Variants in RCAN2 observed in about 807,000 individuals in gnomAD.
RCAN2 encodes regulator of calcineurin 2.
Under a neutral mutation model 23.6 loss-of-function variants are expected in RCAN2, and 9 were observed. That is an observed-to-expected ratio of 0.38 (90% CI 0.23 to 0.67). RCAN2 has a LOEUF of 0.67. Ranked by LOEUF, RCAN2 falls within the 30% of genes least tolerant of loss-of-function variation. The pLI, the probability that RCAN2 is intolerant of heterozygous loss-of-function variation, is 0.51. For synonymous variants in RCAN2, 109 were observed against 115.7 expected (o/e 0.94, Z 0.37); for missense variants, 273 against 302.3 (o/e 0.90, Z 0.72).
chr6:46,267,153 G>A (rs1767361321), intron 2 of RCAN2, among the ~76,000 whole-genome samples: 1 of 152,140 alleles, frequency 6.6e-6, no homozygotes, highest in African/African-American at 2.4e-5. Context: ...GGCAAGTGAT[G>A]GTAACGTCAA....
intron 2 of RCAN2, among the ~76,000 whole-genome samples, chr6:46,263,626 T>C (rs1767218340): frequency 6.6e-6 from 1 of 150,392 alleles, no homozygotes; most frequent in Admixed American, 6.7e-5. Context: ...ATGGATAGAA[T>C]TTGTGTATGT....
At chr6:46,368,881 AT>A (rs1313162550) in intron 2 of RCAN2, among the ~76,000 whole-genome samples, 2 of 152,016 alleles carry the variant, frequency 1.3e-5, no homozygotes, top group African/African-American at 2.4e-5. Context: ...ATTTTAAAAT[AT>A]TTTTCCTTCA....
intron 2 of RCAN2, among the ~76,000 whole-genome samples, chr6:46,336,953 CAAAA>C (rs3084607): frequency 7.7e-6 from 1 of 130,358 alleles, no homozygotes; most frequent in Non-Finnish European, 1.6e-5. Context: ...TTGGAAGTAC[CAAAA>C]AAAAAAAAAA....
intron 2 of RCAN2, among the ~76,000 whole-genome samples, chr6:46,404,679 T>C (rs1766347503): frequency 6.6e-6 from 1 of 152,220 alleles, no homozygotes; most frequent in African/African-American, 2.4e-5. Flanking sequence ...ACAAACAAAT[T>C]GCTGGATGCT....
intron 2 of RCAN2, among the ~76,000 whole-genome samples, chr6:46,403,776 T>C (rs1241877399): frequency 6.6e-6 from 1 of 152,188 alleles, no homozygotes; most frequent in Non-Finnish European, 1.5e-5. Context: ...AAGTGAGTTA[T>C]TAATAGTAAA....
At chr6:46,408,311 CTT>C (rs1766457983) in intron 2 of RCAN2, among the ~76,000 whole-genome samples, 1 of 152,180 alleles carries the variant, frequency 6.6e-6, no homozygotes, top group South Asian at 2.1e-4. Context: ...ACTGCAGGCT[CTT>C]TGTGGCAACC....
intron 4 of RCAN2, 32 bp downstream of exon 4, chr6:46,246,716 C>T (rs558168182): frequency 1.9e-5 from 30 of 1,601,178 alleles, no homozygotes; most frequent in East Asian, 1.4e-4. Flanking sequence ...TGCTGACAAA[C>T]GTTTATTTTT....
intron 2 of RCAN2, among the ~76,000 whole-genome samples, chr6:46,310,657 A>T (rs890648665): frequency 2.6e-5 from 4 of 152,314 alleles, no homozygotes; most frequent in East Asian, 1.9e-4. Flanking sequence ...GCTGTTTTAA[A>T]CAATTTTTTA....
chr6:46,418,708 T>C (rs1377960709), intron 2 of RCAN2, among the ~76,000 whole-genome samples: 1 of 102,252 alleles, frequency 9.8e-6, no homozygotes, highest in Non-Finnish European at 1.9e-5. Flanking sequence ...TATATATATA[T>C]ATATATATAT....
intron 2 of RCAN2, among the ~76,000 whole-genome samples, chr6:46,431,126 T>C (rs957899992): frequency 4.0e-5 from 6 of 151,890 alleles, no homozygotes; most frequent in African/African-American, 1.5e-4. Context: ...TGTGTGTGCA[T>C]GCATGTGTGT....
rs770903153 is a variant in RCAN2, at chr6:46,280,424, C to A, written c.226-31528G>T. 6.6e-4 allele frequency among the ~76,000 whole-genome samples: 96 copies of A among 146,532 alleles called. 1 individual carries two copies. Among genetic ancestry groups the A allele is most frequent in the Non-Finnish European group, 1.2e-3 (84 of 67,906 alleles). ...GTCAACCCTTAACGGTTAAAAGGATCTTTGCTGAAAACTTAGGTGAACATA... is the reference window on the plus strand; with the variant it reads ...GTCAACCCTTAACGGTTAAAAGGATATTTGCTGAAAACTTAGGTGAACATA... On this transcript the variant is annotated intron_variant, in intron 2 of 4. Transcript: ENST00000371374.
intron 2 of RCAN2, among the ~76,000 whole-genome samples, chr6:46,277,145 T>C (rs893158386): frequency 1.3e-5 from 2 of 152,244 alleles, no homozygotes; most frequent in African/African-American, 4.8e-5. Context: ...CCTTTGATTG[T>C]CTGTTCTCAA....
At chr6:46,235,522 T>C (rs1320626330) in intron 4 of RCAN2, among the ~76,000 whole-genome samples, 1 of 152,162 alleles carries the variant, frequency 6.6e-6, no homozygotes, top group Non-Finnish European at 1.5e-5. Flanking sequence ...CTTACTGACG[T>C]CTCTCTACAA....
chr6:46,302,440 A>C (rs1946166850), intron 2 of RCAN2, among the ~76,000 whole-genome samples: 1 of 152,084 alleles, frequency 6.6e-6, no homozygotes, highest in Non-Finnish European at 1.5e-5. Flanking sequence ...AGATCACCAG[A>C]GTGACCCTGA....
intron 2 of RCAN2, among the ~76,000 whole-genome samples, chr6:46,266,735 C>CTTTG (rs1198432238): frequency 1.3e-5 from 2 of 152,174 alleles, no homozygotes; most frequent in African/African-American, 4.8e-5. Flanking sequence ...AGTGATCAAG[C>CTTTG]TTTGTCTCCA....
At chr6:46,269,023 T>A (rs1561836310) in intron 2 of RCAN2, among the ~76,000 whole-genome samples, 1 of 152,218 alleles carries the variant, frequency 6.6e-6, no homozygotes, top group Non-Finnish European at 1.5e-5. Context: ...ACTTACTATC[T>A]GGTTCTTCAC....
In RCAN2 at chr6:46,327,809, G is replaced by T. The variant is rs147948420; in HGVS notation, c.226-78913C>A. 4.9e-3 allele frequency among the ~76,000 whole-genome samples: 744 copies of T among 152,304 alleles called. 6 individuals carry two copies. The highest frequency in any genetic ancestry group is 0.017 in the African/African-American group (694 of 41,548). ...ATATGCTCATCATGGCTGATTTCCA[G>T]CAGTCAGTGTGAAGTCAAACTGAAT... On this transcript the variant is annotated intron_variant, in intron 2 of 4. Transcript: ENST00000371374.
intron 2 of RCAN2, among the ~76,000 whole-genome samples, chr6:46,271,398 G>A (rs558208965): frequency 6.6e-6 from 1 of 152,162 alleles, no homozygotes; most frequent in African/African-American, 2.4e-5. Flanking sequence ...CGCTATGAAG[G>A]TTAAACTGCT....
chr6:46,273,932 G>A (rs1382575498), intron 2 of RCAN2, among the ~76,000 whole-genome samples: 2 of 151,936 alleles, frequency 1.3e-5, no homozygotes, highest in Non-Finnish European at 2.9e-5. Context: ...TGTTCTTAGG[G>A]CAAAGTTGGC....
Sources: gnomAD v4.1 joint callset for allele counts (sites outside exome capture counted in the v4.1 genomes callset) on GRCh38, gnomAD v4.1.1 for gene constraint, MANE v1.5 for transcripts, NCBI Gene and HGNC (gene_info 2026-07-23, HGNC 2026-07-21) for gene names.